SLC25A12: variants seen among roughly 807,000 people sequenced by gnomAD.
The protein encoded by SLC25A12 is solute carrier family 25 member 12.
SLC25A12 carries 32 observed loss-of-function variants against 83.3 expected under a neutral mutation model. The observed-to-expected ratio is 0.38, with a 90% CI of 0.29 to 0.52. The LOEUF (loss-of-function observed/expected upper bound fraction) is 0.52, where lower values mean the gene tolerates loss of function less well. SLC25A12 is among the 20% of genes least tolerant of loss of function. The probability of loss-of-function intolerance (pLI) is 0.84; values close to 1 mark genes in which losing one functional copy is unlikely to be tolerated. For missense variants in SLC25A12, 611 were observed against 835.6 expected (o/e 0.73, Z 3.31); for synonymous variants, 267 against 291.1 (o/e 0.92, Z 0.84).
chr2:171,820,712 A>G (rs1684170431), intron 9 of SLC25A12, among the ~76,000 whole-genome samples: 1 of 124,784 alleles, frequency 8.0e-6, no homozygotes, highest in African/African-American at 2.8e-5. Flanking sequence ...TGGGCGACAG[A>G]GCGAGACTCC....
At chr2:171,837,376 A>G (rs1684581918) in intron 5 of SLC25A12, 109 bp from the exon 6 acceptor site, 2 of 1,152,050 alleles carry the variant, frequency 1.7e-6, no homozygotes, top group Non-Finnish European at 2.6e-6. Flanking sequence ...ACTTACTACA[A>G]AACAAACAAT....
At chr2:171,799,688 G>A (rs574238142) in intron 13 of SLC25A12, among the ~76,000 whole-genome samples, 1 of 152,274 alleles carries the variant, frequency 6.6e-6, no homozygotes, top group South Asian at 2.1e-4. Flanking sequence ...TTTGCATTCG[G>A]CATAACCATT....
At chr2:171,789,283 C>CA in intron 15 of SLC25A12, among the ~76,000 whole-genome samples, 1 of 152,116 alleles carries the variant, frequency 6.6e-6, no homozygotes, top group Non-Finnish European at 1.5e-5. Context: ...GGCTGGAGTG[C>CA]AGTGGCACAA....
chr2:171,869,655 A>G (rs1248302034), intron 2 of SLC25A12, among the ~76,000 whole-genome samples: 4 of 152,248 alleles, frequency 2.6e-5, no homozygotes, highest in Non-Finnish European at 5.9e-5. Flanking sequence ...AAAGAAACTC[A>G]TTAATTTAAG....
intron 2 of SLC25A12, among the ~76,000 whole-genome samples, chr2:171,875,385 C>G (rs1685542758): frequency 1.3e-5 from 2 of 152,070 alleles, no homozygotes; most frequent in Non-Finnish European, 2.9e-5. Flanking sequence ...GCGTTTTGTC[C>G]AACTCTGTTC....
At chr2:171,845,666 C>T in intron 4 of SLC25A12, 1 of 256,554 alleles carries the variant, frequency 3.9e-6, no homozygotes, top group Admixed American at 4.8e-5. Context: ...TACACTTTTT[C>T]TTAATAAAAG....
At chr2:171,786,382 TAAAAAAAA>T (rs5836348) in intron 17 of SLC25A12, among the ~76,000 whole-genome samples, 3 of 85,796 alleles carry the variant, frequency 3.5e-5, no homozygotes, top group Non-Finnish European at 4.5e-5. Flanking sequence ...AGACTCCGTC[TAAAAAAAA>T]AAAAAAAAAA....
intron 9 of SLC25A12, among the ~76,000 whole-genome samples, chr2:171,820,545 G>A (rs895581572): frequency 1.4e-5 from 2 of 141,790 alleles, no homozygotes; most frequent in Admixed American, 7.1e-5. Context: ...CGGCTAAAAC[G>A]GTGAAACCCC....
intron 2 of SLC25A12, among the ~76,000 whole-genome samples, chr2:171,879,503 AAAG>A (rs1284232751): frequency 1.3e-5 from 2 of 152,230 alleles, no homozygotes; most frequent in South Asian, 2.1e-4. Flanking sequence ...CTACCATAAT[AAAG>A]AAGATCTACC....
chr2:171,835,565 G>A (rs1036786599), intron 6 of SLC25A12, among the ~76,000 whole-genome samples: 4 of 152,184 alleles, frequency 2.6e-5, no homozygotes, highest in East Asian at 3.8e-4. Flanking sequence ...GGATGAAGAC[G>A]TAATTTGTTC....
At chr2:171,797,995 G>C (rs1392126492) in intron 13 of SLC25A12, among the ~76,000 whole-genome samples, 1 of 151,970 alleles carries the variant, frequency 6.6e-6, no homozygotes, top group East Asian at 1.9e-4. Context: ...TTTTTTAAAA[G>C]AGATACAAAC....
chr2:171,788,039 C>A, intron 15 of SLC25A12, 92 bp from the exon 16 acceptor site: 2 of 1,331,538 alleles, frequency 1.5e-6, no homozygotes, highest in Non-Finnish European at 2.1e-6. Flanking sequence ...GCAACTTCAA[C>A]CACTTGAGCG....
intron 2 of SLC25A12, among the ~76,000 whole-genome samples, chr2:171,879,993 T>C (rs192666367): frequency 6.6e-6 from 1 of 152,302 alleles, no homozygotes; most frequent in East Asian, 1.9e-4. Context: ...GATAAGACTT[T>C]TTTTAGGTGT....
In SLC25A12 at chr2:171,784,705, C is replaced by T. The variant is rs1241112156; in HGVS notation, c.*569G>A. 5.6e-6 allele frequency: 1 copy of T among 177,244 alleles called. No individual in the cohort carries two copies. The highest frequency in any genetic ancestry group is 1.2e-5 in the Non-Finnish European group (1 of 82,188). 11.0% of individuals were successfully genotyped at this position (177,244 alleles called of 1,614,324 possible). A position where few individuals can be genotyped will look rare whatever the true frequency, so the allele number is the denominator to read the frequency against. ...AGTATCACTTATTCAGTGGTAGCAG[C>T]ACTATGTCTCGTTATGCCTTTTATC... On this transcript the variant is annotated 3_prime_UTR_variant, in exon 18 of 18. Coordinates refer to ENST00000422440, the MANE Select transcript of SLC25A12 (RefSeq NM_003705.5).
At chr2:171,879,402 A>G (rs1023747348) in intron 2 of SLC25A12, among the ~76,000 whole-genome samples, 5 of 152,208 alleles carry the variant, frequency 3.3e-5, no homozygotes, top group African/African-American at 1.2e-4. Context: ...ACTGTCCACT[A>G]TAGTAAGCCC....
At chr2:171,789,760 G>A (rs1162774236) in intron 15 of SLC25A12, among the ~76,000 whole-genome samples, 1 of 152,132 alleles carries the variant, frequency 6.6e-6, no homozygotes, top group Non-Finnish European at 1.5e-5. Context: ...CAGGCATGGT[G>A]GTACACGCCT....
chr2:171,834,545 T>G (rs765173235), intron 7 of SLC25A12, among the ~76,000 whole-genome samples, 182 bp downstream of exon 7: 1 of 152,184 alleles, frequency 6.6e-6, no homozygotes, highest in Non-Finnish European at 1.5e-5. Context: ...ACTTTTCCAT[T>G]CCTGACCTCA....
chr2:171,877,001 T>A (rs1014365903), intron 2 of SLC25A12, among the ~76,000 whole-genome samples: 4 of 152,216 alleles, frequency 2.6e-5, no homozygotes, highest in Non-Finnish European at 5.9e-5. Flanking sequence ...ACTCAAGTAT[T>A]TGAAATGTAA....
chr2:171,801,907 CTGTGTGTGTGTGTGTGTGTGTGTG>C (rs3058854), intron 13 of SLC25A12, among the ~76,000 whole-genome samples: 2 of 145,400 alleles, frequency 1.4e-5, no homozygotes, highest in South Asian at 2.3e-4. Flanking sequence ...ATATCTGGAT[CTGTGTGTGTGTGTGTGTGTGTGTG>C]TGTGTGTGTG....
Sources: gnomAD v4.1 joint callset for allele counts (sites outside exome capture counted in the v4.1 genomes callset) on GRCh38, gnomAD v4.1.1 for gene constraint, MANE v1.5 for transcripts, NCBI Gene and HGNC (gene_info 2026-07-23, HGNC 2026-07-21) for gene names.